The following ASTN2 variants were observed in gnomAD, a reference collection of about 807,000 sequenced individuals.
ASTN2 encodes the protein astrotactin-2.
A neutral mutation model predicts 139.8 loss-of-function variants in ASTN2; 54 were observed. That is an observed-to-expected ratio of 0.39 (90% confidence interval 0.31 to 0.48). ASTN2 has a LOEUF of 0.48. Ranked by LOEUF, ASTN2 falls within the 20% of genes least tolerant of loss-of-function variation. The pLI, the probability that ASTN2 is intolerant of heterozygous loss-of-function variation, is 0.95. For synonymous variants in ASTN2, 756 were observed against 719.5 expected (o/e 1.05, Z -0.81); for missense variants, 1,565 against 1,725.1 (o/e 0.91, Z 1.64).
At chr9:116,715,595 C>G (rs923011353) in intron 16 of ASTN2, among the ~76,000 whole-genome samples, 1 of 152,136 alleles carries the variant, frequency 6.6e-6, no homozygotes, top group Non-Finnish European at 1.5e-5. Context: ...CTTGTTCCCT[C>G]CACTCCCCAC....
chr9:116,977,750 T>G (rs926834590), intron 7 of ASTN2, among the ~76,000 whole-genome samples: 6 of 136,680 alleles, frequency 4.4e-5, no homozygotes, highest in Admixed American at 8.3e-5. Context: ...AGAGTCTCAC[T>G]CCATCACCCA....
rs572294906 is a variant in ASTN2, at chr9:116,634,996, A to G, written c.3073-14553T>C. 9.8e-5 allele frequency among the ~76,000 whole-genome samples: 15 copies of G among 152,348 alleles called. No homozygotes were observed. In the South Asian group the frequency reaches 3.1e-3, roughly 32 times the overall value. Reference sequence around the variant, plus strand: ...AAAAAGGAAGCAAGAGGAAGCTACAACTAATATTGATCAAGTGTTCAATCG... The same window carrying G: ...AAAAAGGAAGCAAGAGGAAGCTACAGCTAATATTGATCAAGTGTTCAATCG... On this transcript the variant is annotated intron_variant, in intron 17 of 22. Transcript: ENST00000313400.
At chr9:117,326,233 G>C (rs925884611) in intron 1 of ASTN2, among the ~76,000 whole-genome samples, 1 of 152,100 alleles carries the variant, frequency 6.6e-6, no homozygotes, top group African/African-American at 2.4e-5. Context: ...GATGTGGACT[G>C]TGGGCAGCCA....
At chr9:116,576,128 T>G (rs1175313208) in intron 19 of ASTN2, among the ~76,000 whole-genome samples, 1 of 152,172 alleles carries the variant, frequency 6.6e-6, no homozygotes, top group Non-Finnish European at 1.5e-5. Context: ...TTACAGGGAA[T>G]TCATCCTATA....
chr9:117,217,717 T>C (rs1588094020), intron 2 of ASTN2, among the ~76,000 whole-genome samples: 1 of 152,204 alleles, frequency 6.6e-6, no homozygotes, highest in Non-Finnish European at 1.5e-5. Flanking sequence ...GTATTTAATA[T>C]AGGGTAGGGG....
chr9:116,682,388 G>A (rs1177009052), intron 16 of ASTN2, among the ~76,000 whole-genome samples: 1 of 152,214 alleles, frequency 6.6e-6, no homozygotes, highest in African/African-American at 2.4e-5. Flanking sequence ...AAGTGCTGGA[G>A]AGGATGTGGA....
At chr9:117,338,855 C>A (rs1828976289) in intron 1 of ASTN2, among the ~76,000 whole-genome samples, 2 of 152,076 alleles carry the variant, frequency 1.3e-5, no homozygotes, top group Admixed American at 1.3e-4. Flanking sequence ...CAACAGCACA[C>A]CTGTCCATGG....
At chr9:116,636,343 A>G (rs1370542989) in intron 17 of ASTN2, among the ~76,000 whole-genome samples, 2 of 152,178 alleles carry the variant, frequency 1.3e-5, no homozygotes, top group Non-Finnish European at 2.9e-5. Flanking sequence ...TGTGCTTTCT[A>G]ACTTCTTTCT....
At chr9:116,913,957 T>C (rs10817959) in intron 10 of ASTN2, among the ~76,000 whole-genome samples, 115,854 of 149,016 alleles carry the variant, frequency 0.78, 46,082 homozygotes, top group Non-Finnish European at 0.86. Context: ...CTCCAGAGCC[T>C]CAAAGACAAG....
Position 116,454,550 on chromosome 9 carries a change from CAA to C in ASTN2, c.3498-11999_3498-11998del, listed in dbSNP as rs764398457. On this transcript the variant is annotated intron_variant, in intron 20 of 22. Transcript: ENST00000313400. ...TGACCCAGCCATCCCATTACATACC[CAA>C]ATGATTATAAATCATGCTGCTATAA... Among the ~76,000 whole-genome samples, 143 of 152,128 alleles carry C rather than the reference CAA, an allele frequency of 9.4e-4. 1 individual carries two copies. Among genetic ancestry groups the C allele is most frequent in the Non-Finnish European group, 1.9e-3 (126 of 68,034 alleles).
chr9:116,757,585 C>G (rs141309500), intron 13 of ASTN2, among the ~76,000 whole-genome samples: 1 of 152,238 alleles, frequency 6.6e-6, no homozygotes, highest in Non-Finnish European at 1.5e-5. Flanking sequence ...GGACCCCCAT[C>G]TGTGTATGTG....
chr9:116,892,049 T>C (rs138539248), intron 10 of ASTN2, among the ~76,000 whole-genome samples: 11 of 152,308 alleles, frequency 7.2e-5, no homozygotes, highest in Non-Finnish European at 1.3e-4. Context: ...AAATTTTAAG[T>C]TATCTGATAT....
Position 116,651,619 on chromosome 9 carries a change from C to A in ASTN2, c.2981G>T (p.Gly994Val). ...TGGTGTGGGGCTCAGCTGCTCCTTGCCTGGCCGGCGGCAAAGGTGACAGGT... is the reference window on the plus strand; with the variant it reads ...TGGTGTGGGGCTCAGCTGCTCCTTGACTGGCCGGCGGCAAAGGTGACAGGT... ...PSTCHLCRRP[G>V]KEQLSPTPVL... Residue 994 changes from glycine (G) to valine (V), a missense_variant, in exon 17 of 23, where the codon GGC (glycine) becomes GTC (valine). By Grantham distance (109) the Gly-to-Val change is moderately radical. Transcript: ENST00000313400. The A allele has an allele frequency of 1.2e-6, 2 of 1,614,142 alleles. No homozygotes were observed. The highest frequency in any genetic ancestry group is 1.1e-5 in the South Asian group (1 of 91,078).
chr9:117,086,424 AT>A (rs573867001), intron 5 of ASTN2, among the ~76,000 whole-genome samples: 247 of 152,252 alleles, frequency 1.6e-3, no homozygotes, highest in Non-Finnish European at 2.2e-3. Context: ...AATACAAAAA[AT>A]TAGCCAAACA....
chr9:116,982,407 T>C (rs536916637), intron 7 of ASTN2, among the ~76,000 whole-genome samples: 75 of 152,248 alleles, frequency 4.9e-4, no homozygotes, highest in Middle Eastern at 6.8e-3. Flanking sequence ...GTTCATATAA[T>C]TATTGTTCTT....
At chr9:117,182,347 A>AC (rs1831095411) in intron 3 of ASTN2, among the ~76,000 whole-genome samples, 1 of 152,052 alleles carries the variant, frequency 6.6e-6, no homozygotes, top group African/African-American at 2.4e-5. Flanking sequence ...ACACACACAA[A>AC]CACATACCCC....
At chr9:117,134,087 A>C (rs1312218824) in intron 4 of ASTN2, among the ~76,000 whole-genome samples, 3 of 151,980 alleles carry the variant, frequency 2.0e-5, no homozygotes, top group African/African-American at 7.3e-5. Context: ...GCTGCTAAGA[A>C]GGACAAAGTG....
intron 2 of ASTN2, among the ~76,000 whole-genome samples, chr9:117,215,764 C>T (rs945300622): frequency 6.6e-6 from 1 of 152,002 alleles, no homozygotes; most frequent in Admixed American, 6.6e-5. Flanking sequence ...ATGGGTAGGC[C>T]CTCATCACTT....
chr9:117,227,832 C>T (rs1176409901), intron 2 of ASTN2, among the ~76,000 whole-genome samples: 1 of 152,140 alleles, frequency 6.6e-6, no homozygotes, highest in Admixed American at 6.5e-5. Flanking sequence ...TAGGGAGATA[C>T]TGAGCCAGAA....
Sources: allele counts gnomAD v4.1 joint callset (sites outside exome capture counted in the v4.1 genomes callset), GRCh38; gene constraint gnomAD v4.1.1; transcripts MANE v1.5; gene names NCBI Gene and HGNC (gene_info 2026-07-23, HGNC 2026-07-21).